The following OR9Q1 variants were observed in gnomAD, a reference collection of about 807,000 sequenced individuals.
OR9Q1 encodes olfactory receptor 9Q1.
For synonymous variants in OR9Q1, 153 were observed against 148.6 expected, an observed-to-expected ratio of 1.03 and a Z score of -0.22; for missense variants, 374 against 378.8, an observed-to-expected ratio of 0.99 and a Z score of 0.11.
intron 2 of OR9Q1, among the ~76,000 whole-genome samples, chr11:58,156,074 G>A (rs1189534036): frequency 6.6e-6 from 1 of 151,828 alleles, no homozygotes; most frequent in Non-Finnish European, 1.5e-5. Context: ...CATTGTGCCT[G>A]GTTAATTTTT....
chr11:58,156,332 C>T (rs994249398), intron 2 of OR9Q1, among the ~76,000 whole-genome samples: 6 of 152,156 alleles, frequency 3.9e-5, no homozygotes, highest in Non-Finnish European at 5.9e-5. Context: ...AAGAAGACTG[C>T]CACTCATGAG....
intron 2 of OR9Q1, among the ~76,000 whole-genome samples, chr11:58,179,012 A>AAGAG (rs71061582): frequency 0.18 from 23,515 of 132,330 alleles, 2,284 homozygotes; most frequent in Middle Eastern, 0.23. Context: ...GAAAGAAAGA[A>AAGAG]AGAGAGAGAG....
Position 58,119,382 on chromosome 11 carries a change from G to C in OR9Q1, c.-14-60049G>C, listed in dbSNP as rs546513042. On this transcript the variant is annotated intron_variant, in intron 2 of 2. Transcript: ENST00000335397. ...CCAGAAAGAGGGGAATCTCCAATTT[G>C]GGGTGGTCCATAAAGCCCATGAGAA... is the stretch of plus-strand genomic sequence containing the variant. 5.0e-6 allele frequency: 8 copies of C among 1,613,856 alleles called. No individual in the cohort carries two copies. The East Asian group carries it at 1.6e-4, about 31-fold the overall frequency.
intron 2 of OR9Q1, among the ~76,000 whole-genome samples, chr11:58,095,544 T>G (rs1475528016): frequency 6.6e-6 from 1 of 152,184 alleles, no homozygotes; most frequent in African/African-American, 2.4e-5. Context: ...CTTATAATCA[T>G]GGTGGAAGGG....
Position 58,031,388 on chromosome 11 carries a change from A to C in OR9Q1, c.-93+7284A>C, listed in dbSNP as rs138730895. On this transcript the variant is annotated intron_variant, in intron 1 of 2. Transcript: ENST00000335397. ...GGCTTTTGTGTCCTGGGGCACCTGCATCCGTCTGGCAGCTGCCTGTTGGCT... is the reference window on the plus strand; with the variant it reads ...GGCTTTTGTGTCCTGGGGCACCTGCCTCCGTCTGGCAGCTGCCTGTTGGCT... The C allele has an allele frequency of 1.2e-3, 1,984 of 1,614,152 alleles. 34 individuals are homozygous for C. In the South Asian group the frequency reaches 0.021, roughly 17 times the overall value.
intron 1 of OR9Q1, among the ~76,000 whole-genome samples, chr11:58,047,719 A>C (rs1260955708): frequency 5.7e-3 from 1 of 176 alleles, no homozygotes; most frequent in African/African-American, 8.8e-3. Context: ...TAATGATACA[A>C]AAAAAAAAAA....
intron 2 of OR9Q1, among the ~76,000 whole-genome samples, chr11:58,162,778 CCTT>C (rs2119927211): frequency 6.6e-6 from 1 of 152,226 alleles, no homozygotes; most frequent in Admixed American, 6.5e-5. Context: ...CCTTGGGTAA[CCTT>C]CATCCCTCCT....
At chr11:58,062,222 A>G (rs896124669) in intron 2 of OR9Q1, among the ~76,000 whole-genome samples, 1 of 152,218 alleles carries the variant, frequency 6.6e-6, no homozygotes, top group Non-Finnish European at 1.5e-5. Flanking sequence ...TAAGCCTAGC[A>G]TTGTGGCACA....
chr11:58,085,419 A>G (rs75454451), intron 2 of OR9Q1, among the ~76,000 whole-genome samples: 4 of 151,820 alleles, frequency 2.6e-5, no homozygotes, highest in South Asian at 2.1e-4. Context: ...TCCTTAACAT[A>G]AAATCTACTC....
intron 1 of OR9Q1, among the ~76,000 whole-genome samples, chr11:58,032,282 A>G (rs879430549): frequency 2.0e-5 from 3 of 152,210 alleles, no homozygotes; most frequent in Admixed American, 6.5e-5. Context: ...GAAAGCAAAA[A>G]AGGAGCCCAA....
intron 2 of OR9Q1, among the ~76,000 whole-genome samples, chr11:58,122,771 C>T (rs1465262184): frequency 6.6e-6 from 1 of 152,194 alleles, no homozygotes. Flanking sequence ...CTTAAGTGTG[C>T]ACTCCAGTGT....
chr11:58,065,438 A>G (rs2514201), intron 2 of OR9Q1, among the ~76,000 whole-genome samples: 5,985 of 151,912 alleles, frequency 0.039, 397 homozygotes, highest in African/African-American at 0.13. Context: ...AATAAGACAG[A>G]CGTGGGGCAG....
At chr11:58,109,693 A>G (rs1484850737) in intron 2 of OR9Q1, 1 of 405,738 alleles carries the variant, frequency 2.5e-6, no homozygotes, top group Non-Finnish European at 4.9e-6. Context: ...CCTGAAGAAG[A>G]TAATGAAATT....
Position 58,172,677 on chromosome 11 carries a change from A to T in OR9Q1, c.-14-6754A>T, listed in dbSNP as rs189697994. On this transcript the variant is annotated intron_variant, in intron 2 of 2. Transcript: ENST00000335397. ...AACTCATACTTGTAAGATTTTTTTT[A>T]AAAAAATGTTGTGGGTACATAGTAG... 2.3e-3 allele frequency among the ~76,000 whole-genome samples: 352 copies of T among 152,104 alleles called. 1 individual carries two copies. The highest frequency in any genetic ancestry group is 5.9e-3 in the African/African-American group (244 of 41,480).
intron 2 of OR9Q1, among the ~76,000 whole-genome samples, chr11:58,058,657 G>T (rs896298): frequency 0.97 from 147,672 of 152,260 alleles, 71,769 homozygotes; most frequent in East Asian, 1. Flanking sequence ...AGACAATGAC[G>T]GTGGCAGCAG....
intron 1 of OR9Q1, among the ~76,000 whole-genome samples, chr11:58,036,300 G>A (rs1029073200): frequency 1.3e-5 from 2 of 152,168 alleles, no homozygotes; most frequent in African/African-American, 2.4e-5. Flanking sequence ...GAGACCTACT[G>A]CTCGGGAAAG....
intron 2 of OR9Q1, among the ~76,000 whole-genome samples, chr11:58,101,913 A>C (rs564319498): frequency 3.2e-4 from 49 of 151,862 alleles, no homozygotes; most frequent in Non-Finnish European, 6.3e-4. Context: ...CACCTGGCTA[A>C]TTTTGTATTT....
At chr11:58,037,689 ATTTTTTTTTTTTTTTTTTTTTTTTTTT>A (rs554392577) in intron 1 of OR9Q1, among the ~76,000 whole-genome samples, 8 of 6,992 alleles carry the variant, frequency 1.1e-3, no homozygotes, top group Admixed American at 3.1e-3. Flanking sequence ...ATATATATAT[ATTTTTTTTTTTTTTTTTTTTTTTTTTT>A]TTTTTTTTTT....
chr11:58,170,191 C>T (rs564409554), intron 2 of OR9Q1, among the ~76,000 whole-genome samples: 7 of 152,182 alleles, frequency 4.6e-5, no homozygotes, highest in East Asian at 1.9e-4. Flanking sequence ...AAAAATGAGA[C>T]GAGGACTTGT....
Sources: allele counts gnomAD v4.1 joint callset (sites outside exome capture counted in the v4.1 genomes callset), GRCh38; gene constraint gnomAD v4.1.1; transcripts MANE v1.5; gene names NCBI Gene and HGNC (gene_info 2026-07-23, HGNC 2026-07-21).